Variants in SLC36A1 observed in about 807,000 individuals in gnomAD.
SLC36A1 encodes the protein proton-coupled amino acid transporter 1.
Under a neutral mutation model 47.5 loss-of-function variants are expected in SLC36A1, and 30 were observed. That is an observed-to-expected ratio of 0.63 (90% confidence interval 0.47 to 0.86). SLC36A1 has a LOEUF of 0.86. Ranked by LOEUF, SLC36A1 falls within the 40% of genes least tolerant of loss-of-function variation. SLC36A1 has a pLI of 0.00. For missense variants in SLC36A1, 517 were observed against 606.0 expected (o/e 0.85, Z 1.54); for synonymous variants, 255 against 249.7 (o/e 1.02, Z -0.20).
At chr5:151,469,788 T>C (rs1284313379) in intron 7 of SLC36A1, among the ~76,000 whole-genome samples, 1 of 151,132 alleles carries the variant, frequency 6.6e-6, no homozygotes. Flanking sequence ...ATATGTATGA[T>C]ATATTAGTAT....
chr5:151,347,210 G>A, the SLC36A1 span: 5 of 1,509,782 alleles, frequency 3.3e-6, no homozygotes, highest in Non-Finnish European at 4.6e-6. Context: ...AGTGGGTTGA[G>A]GGTCAGACAC....
the SLC36A1 span, among the ~76,000 whole-genome samples, chr5:151,508,617 G>A: frequency 2.0e-5 from 3 of 152,230 alleles, 1 homozygote; most frequent in African/African-American, 7.2e-5. Flanking sequence ...GGCTGAGGCA[G>A]GGGAATGGCT....
chr5:151,365,554 T>C, the SLC36A1 span, among the ~76,000 whole-genome samples: 4,346 of 152,244 alleles, frequency 0.029, 76 homozygotes, highest in Non-Finnish European at 0.04. Context: ...ACAGAGGTCA[T>C]CTAGTCCACC....
chr5:151,448,431 TG>T (rs777309607), intron 1 of SLC36A1, among the ~76,000 whole-genome samples: 248 of 152,332 alleles, frequency 1.6e-3, no homozygotes, highest in Admixed American at 6.5e-3. Context: ...TTTCCACCGC[TG>T]GGGTTGGATT....
the SLC36A1 span, among the ~76,000 whole-genome samples, chr5:151,533,396 AC>A: frequency 2.8e-3 from 197 of 70,196 alleles, 1 homozygote; most frequent in African/African-American, 0.012. Flanking sequence ...TATCTCCAAC[AC>A]ACACACACAC....
chr5:151,543,802 C>A, the SLC36A1 span: 2 of 1,614,184 alleles, frequency 1.2e-6, no homozygotes, highest in East Asian at 4.5e-5. Flanking sequence ...GTGCTTTTTG[C>A]AAAGGTTGAA....
At chr5:151,473,828 G>C in intron 8 of SLC36A1, 57 bp downstream of exon 8, 1 of 1,328,622 alleles carries the variant, frequency 7.5e-7, no homozygotes. Flanking sequence ...GTGTTCTCCA[G>C]GTCTGTTTCA....
intron 5 of SLC36A1, among the ~76,000 whole-genome samples, chr5:151,466,345 G>A (rs972766596): frequency 1.3e-5 from 2 of 152,210 alleles, no homozygotes; most frequent in African/African-American, 4.8e-5. Context: ...TGCTGTATAA[G>A]TAGAAACATA....
the SLC36A1 span, among the ~76,000 whole-genome samples, chr5:151,350,932 G>A: frequency 3.3e-4 from 50 of 152,178 alleles, no homozygotes; most frequent in African/African-American, 1.1e-3. Flanking sequence ...TCCTGAGCCC[G>A]CCTTGGCCTC....
chr5:151,537,455 G>A, the SLC36A1 span, among the ~76,000 whole-genome samples: 3 of 109,096 alleles, frequency 2.7e-5, no homozygotes, highest in East Asian at 2.8e-4. Context: ...GAGGGGAGGG[G>A]AGGGAAGGAA....
Position 151,488,397 on chromosome 5 carries a change from C to T in SLC36A1, c.*143C>T. On this transcript the variant is annotated 3_prime_UTR_variant, in exon 11 of 11. Transcript: ENST00000243389. Reference sequence around the variant, plus strand: ...CCCCTCTGCCTGGCACCTGGATACCCTGGGCCAGGTAACCTGAGGGCAGGG... The same window carrying T: ...CCCCTCTGCCTGGCACCTGGATACCTTGGGCCAGGTAACCTGAGGGCAGGG... 2.7e-6 allele frequency: 3 copies of T among 1,102,100 alleles called. No homozygotes were observed. The highest frequency in any genetic ancestry group is 3.8e-6 in the Non-Finnish European group (3 of 784,918). 68.3% of individuals were successfully genotyped at this position (1,102,100 alleles called of 1,614,324 possible).
At chr5:151,395,982 G>A in the SLC36A1 span, among the ~76,000 whole-genome samples, 1 of 151,474 alleles carries the variant, frequency 6.6e-6, no homozygotes, top group South Asian at 2.1e-4. Context: ...GTTAATTTTT[G>A]TATTTTTACT....
chr5:151,369,551 A>G, the SLC36A1 span, among the ~76,000 whole-genome samples: 2 of 152,210 alleles, frequency 1.3e-5, no homozygotes. Context: ...TTCACAGCTC[A>G]CTGCAACTTC....
In SLC36A1 at chr5:151,479,427, C is replaced by T. The variant is rs946051880; in HGVS notation, c.1097C>T (p.Ala366Val). 8.1e-6 allele frequency: 13 copies of T among 1,614,082 alleles called. No homozygotes were observed. Among genetic ancestry groups the T allele is most frequent in the East Asian group, 4.5e-5 (2 of 44,904 alleles). Reference sequence around the variant, plus strand: ...ATCATCCCCTTCTTTGTGTCCCGAGCGCCCGAGCACTGTGAGTTAGTGGTG... The same window carrying T: ...ATCATCCCCTTCTTTGTGTCCCGAGTGCCCGAGCACTGTGAGTTAGTGGTG... ...EIIIPFFVSR[A>V]PEHCELVVDL... Residue 366 changes from alanine to valine, a missense_variant, in exon 10 of 11, where the codon GCG becomes GTG. By Grantham distance (64) the Ala-to-Val change is moderately conservative. Coordinates refer to ENST00000243389, the MANE Select transcript of SLC36A1 (RefSeq NM_078483.4).
chr5:151,404,549 A>G, the SLC36A1 span, among the ~76,000 whole-genome samples: 1 of 152,108 alleles, frequency 6.6e-6, no homozygotes, highest in African/African-American at 2.4e-5. Context: ...AGCTAGTATC[A>G]TTCTCTCATT....
chr5:151,534,759 G>C, the SLC36A1 span: 1 of 804,454 alleles, frequency 1.2e-6, no homozygotes, highest in Non-Finnish European at 2.0e-6. Context: ...TCACAGCAAG[G>C]AGGGGTCAAT....
At chr5:151,406,259 G>A in the SLC36A1 span, among the ~76,000 whole-genome samples, 6 of 152,216 alleles carry the variant, frequency 3.9e-5, no homozygotes, top group African/African-American at 7.2e-5. Flanking sequence ...GCTTGGCAGA[G>A]TCAGAGCAGG....
chr5:151,432,268 A>G (rs1364180089), upstream of SLC36A1, among the ~76,000 whole-genome samples: 1 of 152,204 alleles, frequency 6.6e-6, no homozygotes, highest in African/African-American at 2.4e-5. Flanking sequence ...TTGAAGGAAA[A>G]TGAAAAGAGG....
At chr5:151,540,685 C>A in the SLC36A1 span, 1 of 1,614,094 alleles carries the variant, frequency 6.2e-7, no homozygotes, top group Non-Finnish European at 8.5e-7. Context: ...TGTATGCTCG[C>A]GGTCCAGGGT....
Sources: allele counts gnomAD v4.1 joint callset (sites outside exome capture counted in the v4.1 genomes callset), GRCh38; gene constraint gnomAD v4.1.1; transcripts MANE v1.5; gene names NCBI Gene and HGNC (gene_info 2026-07-23, HGNC 2026-07-21).